SMAD6: variants seen among roughly 807,000 people sequenced by gnomAD.
SMAD6 encodes MAD homolog 6.
In SMAD6, 103 loss-of-function variants were observed where a neutral mutation model predicts 39.4. The ratio of observed to expected loss-of-function variants is 2.62; its 90% confidence interval spans 2.23 to 3.08. The LOEUF (loss-of-function observed/expected upper bound fraction) is 3.08, where lower values mean the gene tolerates loss of function less well. Ranked by LOEUF, SMAD6 falls within the 30% of genes most tolerant of loss-of-function variation. SMAD6 has a pLI of 0.00. For synonymous variants in SMAD6, 445 were observed against 353.3 expected, an observed-to-expected ratio of 1.26 and a Z score of -2.91; for missense variants, 1,104 against 742.9, an observed-to-expected ratio of 1.49 and a Z score of -5.65.
At chr15:66,775,426 G>A (rs896971979) in intron 3 of SMAD6, among the ~76,000 whole-genome samples, 63 of 152,166 alleles carry the variant, frequency 4.1e-4, no homozygotes, top group African/African-American at 1.4e-3. Flanking sequence ...TAGGACTAGA[G>A]CTACTAGTCC....
At position 66,711,725 on chromosome 15, in the gene SMAD6, G is replaced by A. The variant is rs779863048; in HGVS notation, c.874+1G>A. The A allele has an allele frequency of 1.9e-6, 3 of 1,612,630 alleles. No individual in the cohort carries two copies. The highest frequency in any genetic ancestry group is 1.3e-5 in the African/African-American group (1 of 74,786). Reference sequence around the variant, plus strand: ...CCTCGCGACGAGTACAAGCCACTGGGTAAGTGTGCCCTCCTTCCTACCCTT... The same window carrying A: ...CCTCGCGACGAGTACAAGCCACTGGATAAGTGTGCCCTCCTTCCTACCCTT... On this transcript the variant is annotated splice_donor_variant, in intron 2 of 3. Transcript: ENST00000288840. LOFTEE classifies it high-confidence loss of function.
At chr15:66,707,606 C>G (rs955464045) in intron 1 of SMAD6, 1 of 152,304 alleles carries the variant, frequency 6.6e-6, no homozygotes, top group East Asian at 1.9e-4. Context: ...GTGCAGTTTG[C>G]CTCTTGCTGG....
intron 2 of SMAD6, among the ~76,000 whole-genome samples, chr15:66,715,088 AT>A (rs1265832332): frequency 7.5e-6 from 1 of 133,142 alleles, no homozygotes; most frequent in Non-Finnish European, 1.6e-5. Flanking sequence ...CTCCTAACAT[AT>A]TTTTCCAGCA....
At chr15:66,771,768 C>T (rs982703471) in intron 3 of SMAD6, among the ~76,000 whole-genome samples, 11 of 151,476 alleles carry the variant, frequency 7.3e-5, no homozygotes, top group African/African-American at 2.7e-4. Context: ...TGTAGAGCGC[C>T]TCCCACTTCC....
At chr15:66,714,549 C>T (rs991656138) in intron 2 of SMAD6, among the ~76,000 whole-genome samples, 4 of 152,076 alleles carry the variant, frequency 2.6e-5, no homozygotes, top group African/African-American at 9.7e-5. Flanking sequence ...CAGCAGAGGC[C>T]GTATAGTTCA....
chr15:66,740,051 T>C (rs1456701259), intron 3 of SMAD6, among the ~76,000 whole-genome samples: 1 of 152,266 alleles, frequency 6.6e-6, no homozygotes, highest in East Asian at 1.9e-4. Context: ...GGCTGCGTTC[T>C]ATTCTGGTCT....
rs1414192471 is a variant in SMAD6 at position 66,704,068 on chromosome 15, C to A, written c.810C>A (p.Cys270Ter). ...CCNPYHFSRL[C>*]GPESPPPPYS... ...ACCCCTACCACTTCAGCCGGCTCTG[C>A]GGGCCCGGTGAGCGCGCTGCGCCGG... Residue 270 changes from cysteine (C) to a stop codon, truncating the protein, a stop_gained, in exon 1 of 4, where the codon TGC becomes TGA. Transcript: ENST00000288840. LOFTEE classifies it high-confidence loss of function. 1.3e-6 allele frequency: 2 copies of A among 1,491,056 alleles called. No individual in the cohort carries two copies. The highest frequency in any genetic ancestry group is 2.2e-5 in the Admixed American group (1 of 45,840). The allele number at this position is 1,491,056 out of a possible 1,614,324, so 92.4% of individuals were successfully genotyped here.
chr15:66,760,769 C>T lies in SMAD6; in HGVS notation c.953-20228C>T, dbSNP rs373338820. Among the ~76,000 whole-genome samples, 10 of 152,326 alleles carry T rather than the reference C, an allele frequency of 6.6e-5. No individual in the cohort carries two copies. In the East Asian group the frequency reaches 1.5e-3, roughly 24 times the overall value. Reference sequence around the variant, plus strand: ...TGACGGCTCCAGAGTGTCGCCTTCCCAGCCAGTCTCCCAGGCCTGGCGCTG... The same window carrying T: ...TGACGGCTCCAGAGTGTCGCCTTCCTAGCCAGTCTCCCAGGCCTGGCGCTG... On this transcript the variant is annotated intron_variant, in intron 3 of 3. Transcript: ENST00000288840.
rs978626546 is a variant in SMAD6, at chr15:66,781,696, A to G, written c.*161A>G. The G allele has an allele frequency of 4.7e-6, 2 of 429,586 alleles. No individual in the cohort carries two copies. Among genetic ancestry groups the G allele is most frequent in the Non-Finnish European group, 4.1e-6 (1 of 246,774 alleles). 26.6% of individuals were successfully genotyped at this position (429,586 alleles called of 1,614,324 possible). A position where few individuals can be genotyped will look rare whatever the true frequency, so the allele number is the denominator to read the frequency against. ...AGTTTTATATATTATATGGAAATAT[A>G]TATTATACTTGTAATTATGGAGTCA... On this transcript the variant is annotated 3_prime_UTR_variant, in exon 4 of 4. Transcript: ENST00000288840.
intron 3 of SMAD6, among the ~76,000 whole-genome samples, chr15:66,734,390 C>A (rs1893679097): frequency 6.6e-6 from 1 of 152,198 alleles, no homozygotes; most frequent in Non-Finnish European, 1.5e-5. Flanking sequence ...AAGCAACCTC[C>A]TCTCCCTTGG....
chr15:66,712,050 G>A (rs1310074971), intron 2 of SMAD6, among the ~76,000 whole-genome samples: 1 of 152,216 alleles, frequency 6.6e-6, no homozygotes, highest in Non-Finnish European at 1.5e-5. Flanking sequence ...TGGCATTTCT[G>A]TGTCTCTTTC....
At chr15:66,780,737 C>G (rs1282259580) in intron 3 of SMAD6, among the ~76,000 whole-genome samples, 2 of 152,350 alleles carry the variant, frequency 1.3e-5, no homozygotes, top group East Asian at 1.9e-4. Context: ...ATCTAGCACA[C>G]AACAGGTGCT....
chr15:66,742,836 G>T (rs1893838981), intron 3 of SMAD6, among the ~76,000 whole-genome samples: 1 of 152,130 alleles, frequency 6.6e-6, no homozygotes, highest in Admixed American at 6.5e-5. Context: ...TGCGCTCCCT[G>T]GCCTGAGGCC....
intron 3 of SMAD6, among the ~76,000 whole-genome samples, chr15:66,766,152 A>G (rs965040520): frequency 1.3e-5 from 2 of 152,138 alleles, no homozygotes; most frequent in African/African-American, 4.8e-5. Context: ...AGGAATGCAG[A>G]CGCTGGCAGC....
In SMAD6 at chr15:66,782,160, A is replaced by G; in HGVS notation, c.*625A>G. ...AGTCACATTTACTCTTAAGTAAACC[A>G]GAGAAAGTTCTGTTGTTCCTTCCTG... On this transcript the variant is annotated 3_prime_UTR_variant, in exon 4 of 4. Transcript: ENST00000288840. 2.7e-6 allele frequency: 1 copy of G among 371,274 alleles called. No homozygotes were observed. The highest frequency in any genetic ancestry group is 4.7e-6 in the Non-Finnish European group (1 of 211,498). 23.0% of individuals were successfully genotyped at this position (371,274 alleles called of 1,614,324 possible). A position where few individuals can be genotyped will look rare whatever the true frequency, so the allele number is the denominator to read the frequency against.
chr15:66,773,129 G>T (rs984966776), intron 3 of SMAD6, among the ~76,000 whole-genome samples: 1 of 149,136 alleles, frequency 6.7e-6, no homozygotes, highest in East Asian at 2.0e-4. Context: ...TGGCCAGACC[G>T]CCCGTGATGT....
intron 3 of SMAD6, among the ~76,000 whole-genome samples, chr15:66,734,339 G>A (rs989537226): frequency 1.3e-5 from 2 of 152,188 alleles, no homozygotes; most frequent in Non-Finnish European, 1.5e-5. Flanking sequence ...ACACTGGAAC[G>A]CATTAATGCT....
chr15:66,780,994 C>G lies in SMAD6; in HGVS notation c.953-3C>G, dbSNP rs1351747959. ...CGCGGCGGTCCCTGTGCTTGTCCCGCAGACGCCAGCATGTCTCCGGACGCC... is the reference window on the plus strand; with the variant it reads ...CGCGGCGGTCCCTGTGCTTGTCCCGGAGACGCCAGCATGTCTCCGGACGCC... On this transcript the variant is annotated splice_polypyrimidine_tract_variant and splice_region_variant and intron_variant, in intron 3 of 3. Transcript: ENST00000288840. The G allele has an allele frequency of 6.4e-7, 1 of 1,561,068 alleles. No homozygotes were observed. Among genetic ancestry groups the G allele is most frequent in the Non-Finnish European group, 8.6e-7 (1 of 1,158,170 alleles).
intron 3 of SMAD6, among the ~76,000 whole-genome samples, chr15:66,737,399 G>A (rs899057671): frequency 2.6e-5 from 4 of 152,226 alleles, no homozygotes; most frequent in Non-Finnish European, 5.9e-5. Context: ...ACAGGCTTCA[G>A]GAGTAGCACT....
Sources: gnomAD v4.1 joint callset for allele counts (sites outside exome capture counted in the v4.1 genomes callset) on GRCh38, gnomAD v4.1.1 for gene constraint, MANE v1.5 for transcripts, NCBI Gene and HGNC (gene_info 2026-07-23, HGNC 2026-07-21) for gene names.